PIEZO2: variants seen among roughly 807,000 people sequenced by gnomAD.
The protein encoded by PIEZO2 is piezo-type mechanosensitive ion channel component 2.
In PIEZO2, 172 loss-of-function variants were observed where a neutral mutation model predicts 337.3. The observed-to-expected ratio is 0.51, with a 90% CI of 0.45 to 0.58. The LOEUF is 0.58. Ranked by LOEUF, PIEZO2 falls within the 20% of genes least tolerant of loss-of-function variation. The pLI, the probability that PIEZO2 is intolerant of heterozygous loss-of-function variation, is 0.00. For missense variants in PIEZO2, 3,028 were observed against 3,391.3 expected (o/e 0.89, Z 2.66); for synonymous variants, 1,251 against 1,228.5 (o/e 1.02, Z -0.38).
intron 2 of PIEZO2, among the ~76,000 whole-genome samples, chr18:10,995,082 A>AAAAAAAAGAGAAAG: frequency 7.8e-6 from 1 of 128,142 alleles, no homozygotes; most frequent in Middle Eastern, 4.0e-3. Flanking sequence ...CGTCTCAAAA[A>AAAAAAAAGAGAAAG]AAAAAAAAAA....
rs1018346031 is a variant in PIEZO2, at chr18:10,899,122, A to G, written c.329+12064T>C. On this transcript the variant is annotated intron_variant, in intron 4 of 55. Transcript: ENST00000674853. The surrounding 1 kb of genome is among the most constrained non-coding windows in gnomAD (Gnocchi z 4.6). ...TAGCAAAGGGAAGCATGGGCTCTAT[A>G]GTTAAAAAGACCTAACTGCCTTCGT... Among the ~76,000 whole-genome samples the G allele has an allele frequency of 1.3e-5, 2 of 152,224 alleles. No individual in the cohort carries two copies. Among genetic ancestry groups the G allele is most frequent in the Non-Finnish European group, 2.9e-5 (2 of 68,044 alleles).
chr18:10,741,469 T>G (rs1191606500), intron 32 of PIEZO2, among the ~76,000 whole-genome samples: 3 of 152,234 alleles, frequency 2.0e-5, no homozygotes, highest in Non-Finnish European at 2.9e-5. Context: ...GGCAAATAAT[T>G]TGTTAAAGTA....
intron 3 of PIEZO2, among the ~76,000 whole-genome samples, chr18:10,964,132 T>G (rs2033902698): frequency 6.6e-6 from 1 of 152,188 alleles, no homozygotes; most frequent in Non-Finnish European, 1.5e-5. Flanking sequence ...AATCCACTTT[T>G]CAAAGTCTCT....
At chr18:10,747,722 A>T (rs538974442) in intron 30 of PIEZO2, among the ~76,000 whole-genome samples, 114 of 152,358 alleles carry the variant, frequency 7.5e-4, no homozygotes, top group African/African-American at 2.6e-3. Flanking sequence ...CATTGTGTTT[A>T]TCATGGCAGG....
At chr18:11,018,953 C>T (rs978585725) in intron 2 of PIEZO2, among the ~76,000 whole-genome samples, 4 of 152,086 alleles carry the variant, frequency 2.6e-5, no homozygotes, top group Non-Finnish European at 5.9e-5. Flanking sequence ...CAATCCATCA[C>T]AGGTGTTTCG....
chr18:11,075,095 G>A (rs1024808049), intron 1 of PIEZO2, among the ~76,000 whole-genome samples: 4 of 152,152 alleles, frequency 2.6e-5, no homozygotes, highest in Non-Finnish European at 4.4e-5. Flanking sequence ...TTTAACAGTT[G>A]CCACAGCAGT....
At chr18:11,084,836 C>G (rs1044316948) in intron 1 of PIEZO2, among the ~76,000 whole-genome samples, 5 of 152,168 alleles carry the variant, frequency 3.3e-5, no homozygotes, top group African/African-American at 1.2e-4. Flanking sequence ...TGTGGCCAGG[C>G]CCCTCCTTTG....
chr18:11,079,018 T>C (rs1393439629), intron 1 of PIEZO2, among the ~76,000 whole-genome samples: 1 of 152,208 alleles, frequency 6.6e-6, no homozygotes, highest in Non-Finnish European at 1.5e-5. Flanking sequence ...GTGGCATCCT[T>C]TATTCAGGAA....
At chr18:10,790,946 C>T (rs2039390628) in intron 14 of PIEZO2, among the ~76,000 whole-genome samples, 1 of 152,184 alleles carries the variant, frequency 6.6e-6, no homozygotes, top group African/African-American at 2.4e-5. Context: ...CCTCGGGATC[C>T]GCCCACCTCG....
chr18:10,928,504 C>A (rs1389437896), intron 3 of PIEZO2, among the ~76,000 whole-genome samples: 2 of 152,194 alleles, frequency 1.3e-5, no homozygotes, highest in Non-Finnish European at 2.9e-5. Flanking sequence ...GAGTTTCATC[C>A]TTTTTTAAAG....
Position 10,680,267 on chromosome 18 carries a change from C to G in PIEZO2, c.7884G>C (p.Gln2628His). ...GGTCCAGGAGTTCGTGTATCATTTT[C>G]TGCTTACTGGGTGGGCTGATGGTCC... ...SLWTISPPSK[Q>H]KMIHELLDPN... The change falls in exon 52 of 56, where the codon CAG becomes CAC. Residue 2628 changes from glutamine to histidine, a missense_variant. Around this residue, in one of 5 missense-constraint regions of PIEZO2, gnomAD observed 332 missense variants for 363.8 expected, o/e 0.91. Coordinates refer to ENST00000674853, the MANE Select transcript of PIEZO2 (RefSeq NM_001378183.1). 6.2e-7 allele frequency: 1 copy of G among 1,614,052 alleles called. No individual in the cohort carries two copies.
intron 2 of PIEZO2, among the ~76,000 whole-genome samples, chr18:11,018,168 C>A (rs2145696795): frequency 6.6e-6 from 1 of 151,550 alleles, no homozygotes; most frequent in South Asian, 2.1e-4. Context: ...CTGCATTACT[C>A]CGGTTCCTGC....
At chr18:10,779,238 A>G (rs1294206469) in intron 18 of PIEZO2, among the ~76,000 whole-genome samples, 1 of 152,204 alleles carries the variant, frequency 6.6e-6, no homozygotes, top group Non-Finnish European at 1.5e-5. Flanking sequence ...GATTTTACCT[A>G]TAAGAAAAGC....
At chr18:10,761,971 T>C (rs1485455193) in intron 23 of PIEZO2, among the ~76,000 whole-genome samples, 2 of 152,204 alleles carry the variant, frequency 1.3e-5, no homozygotes, top group Non-Finnish European at 2.9e-5. Flanking sequence ...AAATATATGT[T>C]TTATTTTATT....
chr18:10,921,708 G>A (rs2031419246), intron 3 of PIEZO2, among the ~76,000 whole-genome samples: 1 of 152,152 alleles, frequency 6.6e-6, no homozygotes, highest in African/African-American at 2.4e-5. Flanking sequence ...GGTGAGCCGG[G>A]CGGAAAAGAG....
chr18:10,818,075 A>G (rs980055550), intron 7 of PIEZO2, among the ~76,000 whole-genome samples: 3 of 152,122 alleles, frequency 2.0e-5, no homozygotes, highest in Admixed American at 6.5e-5. Flanking sequence ...CTGTCCCTTG[A>G]AAAAAATACA....
chr18:10,691,519 A>C, intron 47 of PIEZO2, 136 bp from the exon 48 acceptor site: 1 of 883,816 alleles, frequency 1.1e-6, no homozygotes, highest in Non-Finnish European at 1.7e-6. Context: ...AACTGTCTAC[A>C]CATAGTGGAT....
chr18:11,136,579 C>T (rs2040494130), intron 1 of PIEZO2, among the ~76,000 whole-genome samples: 1 of 152,222 alleles, frequency 6.6e-6, no homozygotes, highest in African/African-American at 2.4e-5. Flanking sequence ...TCAGGATTAA[C>T]TAAGCATGAG....
At chr18:10,857,989 T>TTTTC (rs1185961096) in intron 5 of PIEZO2, among the ~76,000 whole-genome samples, 1 of 149,480 alleles carries the variant, frequency 6.7e-6, no homozygotes, top group African/African-American at 2.5e-5. Flanking sequence ...ACTTTTTCTT[T>TTTTC]TTTCTTTCTT....
Sources: gnomAD v4.1 joint callset for allele counts (sites outside exome capture counted in the v4.1 genomes callset) on GRCh38, gnomAD v4.1.1 for gene constraint, gnomAD v4.1.1 regional missense constraint, Gnocchi (gnomAD v3.1) non-coding constraint, MANE v1.5 for transcripts, NCBI Gene and HGNC (gene_info 2026-07-23, HGNC 2026-07-21) for gene names.